RAD51B: variants seen among roughly 807,000 people sequenced by gnomAD.
RAD51B encodes DNA repair protein RAD51 homolog 2.
RAD51B carries 38 observed loss-of-function variants against 42.2 expected under a neutral mutation model. The ratio of observed to expected loss-of-function variants is 0.90; its 90% confidence interval spans 0.70 to 1.18. The LOEUF (loss-of-function observed/expected upper bound fraction) is 1.18. Ranked by LOEUF, RAD51B falls within the 50% of genes most tolerant of loss-of-function variation. The pLI is 0.00. For missense variants in RAD51B, 373 were observed against 400.7 expected, an observed-to-expected ratio of 0.93 and a Z score of 0.59; for synonymous variants, 154 against 145.2, an observed-to-expected ratio of 1.06 and a Z score of -0.43.
At chr14:68,572,091 A>C (rs982432008) in intron 10 of RAD51B, among the ~76,000 whole-genome samples, 1 of 152,220 alleles carries the variant, frequency 6.6e-6, no homozygotes, top group Non-Finnish European at 1.5e-5. Context: ...TTCATACGTC[A>C]TGCAAACAGG....
intron 7 of RAD51B, among the ~76,000 whole-genome samples, chr14:68,225,277 T>G (rs2080014519): frequency 6.6e-6 from 1 of 152,230 alleles, no homozygotes; most frequent in Admixed American, 6.5e-5. Flanking sequence ...ATCCACATTT[T>G]AAGATTCCTG....
intron 7 of RAD51B, among the ~76,000 whole-genome samples, chr14:67,970,842 G>T (rs10132828): frequency 0.069 from 10,439 of 151,968 alleles, 869 homozygotes; most frequent in African/African-American, 0.2. Context: ...AGAGTTTAAA[G>T]AAATTTACTG....
intron 7 of RAD51B, among the ~76,000 whole-genome samples, chr14:68,242,340 G>A (rs777330916): frequency 2.0e-5 from 3 of 152,136 alleles, no homozygotes; most frequent in Non-Finnish European, 4.4e-5. Context: ...TAGTCTATAC[G>A]TGGACCGCAC....
chr14:68,309,683 A>T (rs1467581057), intron 8 of RAD51B, among the ~76,000 whole-genome samples: 4 of 152,250 alleles, frequency 2.6e-5, no homozygotes, highest in Non-Finnish European at 5.9e-5. Context: ...TAATAATGCC[A>T]ATCACTTTAA....
intron 7 of RAD51B, 132 bp downstream of exon 7, chr14:67,887,336 A>G: frequency 1.5e-6 from 1 of 672,720 alleles, no homozygotes; most frequent in Non-Finnish European, 2.4e-6. Flanking sequence ...AAGGTAGTAC[A>G]GTCTAATTGC....
chr14:68,113,246 A>G (rs976921400), intron 7 of RAD51B, among the ~76,000 whole-genome samples: 1 of 152,126 alleles, frequency 6.6e-6, no homozygotes, highest in Admixed American at 6.6e-5. Context: ...GCATAATAAC[A>G]AAGAGTGTCT....
intron 11 of RAD51B, among the ~76,000 whole-genome samples, chr14:68,672,997 A>G (rs1442468765): frequency 6.6e-6 from 1 of 152,186 alleles, no homozygotes; most frequent in African/African-American, 2.4e-5. Flanking sequence ...CTGTTTGTAA[A>G]CAACTCTAGA....
intron 7 of RAD51B, among the ~76,000 whole-genome samples, chr14:67,992,266 C>T (rs2075308215): frequency 6.6e-6 from 1 of 152,164 alleles, no homozygotes; most frequent in South Asian, 2.1e-4. Context: ...TGATGGGCAA[C>T]CCTTTGGAAG....
chr14:68,168,428 T>C (rs2078798957), intron 7 of RAD51B, among the ~76,000 whole-genome samples: 1 of 152,176 alleles, frequency 6.6e-6, no homozygotes, highest in Non-Finnish European at 1.5e-5. Flanking sequence ...GAGCATTATT[T>C]TTATAGATCT....
intron 9 of RAD51B, among the ~76,000 whole-genome samples, chr14:68,465,037 A>G (rs886265180): frequency 2.5e-4 from 38 of 152,184 alleles, no homozygotes; most frequent in African/African-American, 8.9e-4. Context: ...TTAGGCTCAG[A>G]TGCCATTCTT....
chr14:68,155,457 G>T (rs1157081334), intron 7 of RAD51B, among the ~76,000 whole-genome samples: 1 of 152,170 alleles, frequency 6.6e-6, no homozygotes, highest in African/African-American at 2.4e-5. Context: ...CTCCCAAAGT[G>T]CTGAGATTAC....
At chr14:68,500,664 G>A (rs753838586) in intron 10 of RAD51B, among the ~76,000 whole-genome samples, 1 of 152,212 alleles carries the variant, frequency 6.6e-6, no homozygotes, top group Non-Finnish European at 1.5e-5. Context: ...TGCATTCAGG[G>A]GGAGATAAAG....
At chr14:68,305,843 C>G (rs1259615929) in intron 8 of RAD51B, among the ~76,000 whole-genome samples, 1 of 152,226 alleles carries the variant, frequency 6.6e-6, no homozygotes, top group Non-Finnish European at 1.5e-5. Context: ...ACTTGCCAGG[C>G]TGGCCATCAT....
At chr14:68,241,519 C>T (rs1322374974) in intron 7 of RAD51B, among the ~76,000 whole-genome samples, 3 of 151,742 alleles carry the variant, frequency 2.0e-5, no homozygotes, top group Non-Finnish European at 4.4e-5. Flanking sequence ...TCCAGCTGGG[C>T]GACAGAGTGA....
Position 68,304,729 on chromosome 14 carries a change from C to T in RAD51B, c.853+12749C>T, listed in dbSNP as rs147849025. ...AGCAAGGCACTTAACTTCCCTGGAC[C>T]TCAATTCCCTCAGCTATACACATAA... On this transcript the variant is annotated intron_variant, in intron 8 of 10. Transcript: ENST00000471583. Among the ~76,000 whole-genome samples the T allele has an allele frequency of 7.3e-3, 1,118 of 152,300 alleles. 9 individuals are homozygous for T. The highest frequency in any genetic ancestry group is 0.023 in the African/African-American group (975 of 41,558).
At chr14:68,444,309 A>C (rs896036022) in intron 9 of RAD51B, among the ~76,000 whole-genome samples, 1 of 152,238 alleles carries the variant, frequency 6.6e-6, no homozygotes, top group East Asian at 1.9e-4. Context: ...AGTCCTCTAC[A>C]TAGCTCTCCA....
At chr14:68,643,711 G>A (rs1892510127) in intron 10 of RAD51B, among the ~76,000 whole-genome samples, 1 of 152,184 alleles carries the variant, frequency 6.6e-6, no homozygotes, top group Admixed American at 6.5e-5. Context: ...TGCTAAACAT[G>A]TGCCAGGAAA....
rs183922466 is a variant in RAD51B at position 67,946,494 on chromosome 14, A to G, written c.756+59290A>G. Among the ~76,000 whole-genome samples, 54 of 152,214 alleles carry G rather than the reference A, an allele frequency of 3.5e-4. No homozygotes were observed. In the East Asian group the frequency reaches 0.01, roughly 29 times the overall value. ...AGCAGTTCTCTGCTTCAGCCTCTCA[A>G]GTAGCTGGGGCTACAGGCACTCGCC... is the stretch of plus-strand genomic sequence containing the variant. On this transcript the variant is annotated intron_variant, in intron 7 of 10. Coordinates refer to ENST00000471583, the MANE Select transcript of RAD51B (RefSeq NM_133510.4).
intron 10 of RAD51B, among the ~76,000 whole-genome samples, chr14:68,557,892 A>G (rs1888935575): frequency 1.3e-5 from 2 of 152,190 alleles, no homozygotes; most frequent in African/African-American, 4.8e-5. Context: ...CCCCTTCACC[A>G]TAGGAAACCA....
Sources: gnomAD v4.1 joint callset for allele counts (sites outside exome capture counted in the v4.1 genomes callset) on GRCh38, gnomAD v4.1.1 for gene constraint, MANE v1.5 for transcripts, NCBI Gene and HGNC (gene_info 2026-07-23, HGNC 2026-07-21) for gene names.